The following TPD52L1 variants were observed in gnomAD, a reference collection of about 807,000 sequenced individuals.
TPD52L1 encodes the protein tumor protein D53.
A neutral mutation model predicts 28.7 loss-of-function variants in TPD52L1; 18 were observed. The ratio of observed to expected loss-of-function variants is 0.63; its 90% CI spans 0.43 to 0.93. TPD52L1 has a LOEUF of 0.93. TPD52L1 is among the 40% of genes least tolerant of loss of function. The pLI, the probability that TPD52L1 is intolerant of heterozygous loss-of-function variation, is 0.00. For missense variants in TPD52L1, 203 were observed against 254.8 expected (o/e 0.80, Z 1.39); for synonymous variants, 75 against 88.8 (o/e 0.84, Z 0.88).
intron 4 of TPD52L1, among the ~76,000 whole-genome samples, chr6:125,250,210 A>G (rs1377969313): frequency 6.6e-6 from 1 of 152,194 alleles, no homozygotes; most frequent in East Asian, 1.9e-4. Flanking sequence ...GCTAACTAGA[A>G]TAGTGCTTCT....
At chr6:125,203,779 T>A in intron 1 of TPD52L1, 2 of 985,468 alleles carry the variant, frequency 2.0e-6, no homozygotes, top group Non-Finnish European at 2.4e-6. Context: ...ACCCCATCTG[T>A]AAGGAACCTA....
At chr6:125,197,766 T>C (rs1793541099) in intron 1 of TPD52L1, among the ~76,000 whole-genome samples, 1 of 152,132 alleles carries the variant, frequency 6.6e-6, no homozygotes, top group South Asian at 2.1e-4. Context: ...AAAAGAGGCA[T>C]CTGGGTGTCC....
chr6:125,253,960 G>A, intron 5 of TPD52L1: 2 of 752,090 alleles, frequency 2.7e-6, no homozygotes, highest in Non-Finnish European at 4.9e-6. Context: ...AGTCTTTCCT[G>A]TGTGATCCAA....
chr6:125,233,735 A>T (rs1186492242), intron 3 of TPD52L1, among the ~76,000 whole-genome samples: 1 of 152,230 alleles, frequency 6.6e-6, no homozygotes, highest in Non-Finnish European at 1.5e-5. Flanking sequence ...TCTTCTAAAA[A>T]GATGAATTTT....
At chr6:125,218,777 T>C (rs1795044055) in intron 1 of TPD52L1, among the ~76,000 whole-genome samples, 1 of 152,228 alleles carries the variant, frequency 6.6e-6, no homozygotes, top group Non-Finnish European at 1.5e-5. Context: ...TAGGACAATC[T>C]ATTAAAAACT....
At chr6:125,260,889 AAAGAGAGGG>A (rs1797881181) in intron 6 of TPD52L1, 1 of 149,248 alleles carries the variant, frequency 6.7e-6, no homozygotes, top group Non-Finnish European at 1.5e-5. Flanking sequence ...AAGAAAAAGA[AAAGAGAGGG>A]AGAAAGAAAG....
chr6:125,158,019 A>G (rs80092898), intron 1 of TPD52L1, among the ~76,000 whole-genome samples: 1,639 of 151,676 alleles, frequency 0.011, 26 homozygotes, highest in African/African-American at 0.038. Context: ...CATCACTCCA[A>G]TCTCTCTGTC....
chr6:125,220,313 A>T, intron 2 of TPD52L1, 120 bp downstream of exon 2: 1 of 666,368 alleles, frequency 1.5e-6, no homozygotes, highest in Non-Finnish European at 2.5e-6. Flanking sequence ...ATTTAATAAA[A>T]TTTATAAATG....
rs150625143 is a variant in TPD52L1 at position 125,220,140 on chromosome 6, T to C, written c.82T>C (p.Ser28Pro). 4,983 of 1,613,890 alleles carry C rather than the reference T, an allele frequency of 3.1e-3. 31 individuals carry two copies. Among genetic ancestry groups the C allele is most frequent in the South Asian group, 0.01 (953 of 91,080 alleles). ...DEDAVASADF[S>P]SMLSEEEKEE... ...AGATGCAGTAGCCAGTGCTGACTTC[T>C]CTAGCATGCTCTCTGAGGAGGAAAA... The change falls in exon 2 of 7, where the codon TCT (serine) becomes CCT (proline). Residue 28 changes from serine (S) to proline (P), a missense_variant. Coordinates refer to ENST00000534000, the MANE Select transcript of TPD52L1 (RefSeq NM_003287.4).
chr6:125,230,377 G>A (rs1032853190), intron 3 of TPD52L1, among the ~76,000 whole-genome samples: 1 of 152,100 alleles, frequency 6.6e-6, no homozygotes, highest in African/African-American at 2.4e-5. Context: ...TTTATCCCTA[G>A]CCGTAACTTT....
intron 3 of TPD52L1, among the ~76,000 whole-genome samples, chr6:125,241,818 T>C (rs1023154222): frequency 1.3e-5 from 2 of 152,000 alleles, no homozygotes; most frequent in African/African-American, 4.8e-5. Flanking sequence ...GTCAGTTTCA[T>C]TTAGTTCTAC....
chr6:125,232,576 G>C (rs1796015842), intron 3 of TPD52L1, among the ~76,000 whole-genome samples: 1 of 152,142 alleles, frequency 6.6e-6, no homozygotes, highest in African/African-American at 2.4e-5. Context: ...CAGAGGATGT[G>C]TGTGATTCCC....
At chr6:125,239,534 G>A (rs9491335) in intron 3 of TPD52L1, among the ~76,000 whole-genome samples, 23,452 of 152,098 alleles carry the variant, frequency 0.15, 2,255 homozygotes, top group East Asian at 0.31. Flanking sequence ...AAAATAGTAT[G>A]TGGGAAACCA....
intron 4 of TPD52L1, among the ~76,000 whole-genome samples, chr6:125,249,329 A>G (rs982468252): frequency 6.6e-6 from 1 of 151,932 alleles, no homozygotes; most frequent in Non-Finnish European, 1.5e-5. Flanking sequence ...TAAAAAAAAA[A>G]AATCTCTGCG....
intron 1 of TPD52L1, among the ~76,000 whole-genome samples, chr6:125,206,994 T>A (rs1235840300): frequency 6.6e-6 from 1 of 152,204 alleles, no homozygotes; most frequent in Admixed American, 6.5e-5. Flanking sequence ...GAACATTAAC[T>A]ATTTTTTGCT....
chr6:125,248,005 T>C (rs1306479599), intron 3 of TPD52L1, among the ~76,000 whole-genome samples: 1 of 152,242 alleles, frequency 6.6e-6, no homozygotes, highest in Non-Finnish European at 1.5e-5. Context: ...CACTGAGCAG[T>C]TCCATTATTT....
At chr6:125,243,834 G>A (rs1319176119) in intron 3 of TPD52L1, among the ~76,000 whole-genome samples, 1 of 152,026 alleles carries the variant, frequency 6.6e-6, no homozygotes, top group Non-Finnish European at 1.5e-5. Context: ...CCATTCCTAG[G>A]GAGTTAGTGT....
intron 2 of TPD52L1, among the ~76,000 whole-genome samples, chr6:125,222,840 C>T (rs779057714): frequency 1.4e-4 from 22 of 152,240 alleles, no homozygotes; most frequent in African/African-American, 2.6e-4. Context: ...CTTACACAAA[C>T]GCCTTAGATT....
intron 6 of TPD52L1, 101 bp downstream of exon 6, chr6:125,257,259 GCTTGCATCAA>G (rs1414750679): frequency 1.1e-5 from 10 of 932,366 alleles, no homozygotes; most frequent in Non-Finnish European, 1.7e-5. Flanking sequence ...AAGAAGGCAG[GCTTGCATCAA>G]GTCAGACCTT....
Sources: allele counts gnomAD v4.1 joint callset (sites outside exome capture counted in the v4.1 genomes callset), GRCh38; gene constraint gnomAD v4.1.1; transcripts MANE v1.5; gene names NCBI Gene and HGNC (gene_info 2026-07-23, HGNC 2026-07-21).